The following NEK10 variants were observed in gnomAD, a reference collection of about 807,000 sequenced individuals.
NEK10 encodes serine/threonine-protein kinase Nek10.
Under a neutral mutation model 159.8 loss-of-function variants are expected in NEK10, and 122 were observed. That is an observed-to-expected ratio of 0.76 (90% CI 0.66 to 0.89). NEK10 has a LOEUF of 0.89. Ranked by LOEUF, NEK10 falls within the 40% of genes least tolerant of loss-of-function variation. NEK10 has a pLI of 0.00. For synonymous variants in NEK10, 466 were observed against 457.1 expected, an observed-to-expected ratio of 1.02 and a Z score of -0.25; for missense variants, 1,342 against 1,323.1, an observed-to-expected ratio of 1.01 and a Z score of -0.22.
intron 22 of NEK10, among the ~76,000 whole-genome samples, chr3:27,276,794 T>G (rs1041384246): frequency 6.6e-6 from 1 of 152,120 alleles, no homozygotes; most frequent in Non-Finnish European, 1.5e-5. Flanking sequence ...CACATTCTCT[T>G]CTCCTTCTGT....
At chr3:27,301,596 T>C in intron 13 of NEK10, 100 bp downstream of exon 13, 1 of 909,436 alleles carries the variant, frequency 1.1e-6, no homozygotes, top group Non-Finnish European at 1.7e-6. Flanking sequence ...TTTGTAAACT[T>C]CTAAATTTTG....
chr3:27,323,290 G>A (rs1380687590), intron 5 of NEK10, among the ~76,000 whole-genome samples: 1 of 152,190 alleles, frequency 6.6e-6, no homozygotes, highest in East Asian at 1.9e-4. Context: ...CTACACTACT[G>A]AAGCTGTTGC....
intron 5 of NEK10, among the ~76,000 whole-genome samples, chr3:27,337,170 C>T (rs1262938316): frequency 6.6e-6 from 1 of 152,048 alleles, no homozygotes; most frequent in Non-Finnish European, 1.5e-5. Flanking sequence ...AATTTTTATA[C>T]ACCAACAATG....
chr3:27,352,768 C>T, intron 2 of NEK10, 44 bp downstream of exon 2: 1 of 1,311,732 alleles, frequency 7.6e-7, no homozygotes, highest in Non-Finnish European at 1.1e-6. Context: ...GTTCAATGGC[C>T]ACTGCCTGAG....
chr3:27,352,630 T>C, intron 2 of NEK10, 105 bp from the exon 3 acceptor site: 1 of 884,496 alleles, frequency 1.1e-6, no homozygotes, highest in East Asian at 2.4e-5. Context: ...TTTTATCAAC[T>C]GGAATGAATA....
intron 30 of NEK10, among the ~76,000 whole-genome samples, chr3:27,142,850 G>A (rs1274482620): frequency 1.3e-5 from 2 of 152,144 alleles, no homozygotes; most frequent in East Asian, 3.9e-4. Context: ...TATCTTTACT[G>A]AGTTAGTTTA....
intron 33 of NEK10, 26 bp from the exon 34 acceptor site, chr3:27,116,153 C>CT: frequency 6.2e-7 from 1 of 1,607,896 alleles, no homozygotes; most frequent in African/African-American, 1.3e-5. Flanking sequence ...TATGGAAAGT[C>CT]TGACATTTGG....
At chr3:27,255,337 T>C (rs1042330583) in intron 23 of NEK10, 1 of 411,850 alleles carries the variant, frequency 2.4e-6, no homozygotes. Flanking sequence ...ACATATCCAG[T>C]AAGATAAATG....
chr3:27,219,025 C>T (rs190226783), intron 23 of NEK10, among the ~76,000 whole-genome samples: 13 of 152,386 alleles, frequency 8.5e-5, no homozygotes, highest in Admixed American at 7.8e-4. Context: ...ACACTCTCCA[C>T]CTTTTCTTAG....
chr3:27,258,517 A>G (rs1201828466), intron 22 of NEK10, among the ~76,000 whole-genome samples: 1 of 152,152 alleles, frequency 6.6e-6, no homozygotes, highest in Non-Finnish European at 1.5e-5. Context: ...GATGGTTTCC[A>G]GCTTCATCCA....
chr3:27,354,461 A>G (rs1303894874), intron 1 of NEK10, among the ~76,000 whole-genome samples: 1 of 152,234 alleles, frequency 6.6e-6, no homozygotes, highest in East Asian at 1.9e-4. Context: ...CAAATTCACC[A>G]GTATCAGCAG....
chr3:27,353,486 A>G (rs2048116340), intron 1 of NEK10, among the ~76,000 whole-genome samples: 2 of 152,190 alleles, frequency 1.3e-5, no homozygotes, highest in South Asian at 4.1e-4. Context: ...GAATGTACCA[A>G]TGGGCATTTC....
chr3:27,285,636 C>A (rs193302527), intron 20 of NEK10, among the ~76,000 whole-genome samples: 96 of 152,072 alleles, frequency 6.3e-4, no homozygotes, highest in African/African-American at 2.3e-3. Context: ...GCTTTGGATG[C>A]CAAAAAACAA....
intron 29 of NEK10, among the ~76,000 whole-genome samples, chr3:27,164,055 C>T (rs533365874): frequency 1.2e-4 from 18 of 152,188 alleles, no homozygotes; most frequent in Non-Finnish European, 2.1e-4. Context: ...CAGGCTAACA[C>T]TCTCTTGATC....
intron 30 of NEK10, 148 bp from the exon 31 acceptor site, chr3:27,141,730 AT>A (rs1943803673): frequency 1.8e-6 from 1 of 545,444 alleles, no homozygotes; most frequent in East Asian, 2.9e-5. Flanking sequence ...ATACTTCAAC[AT>A]TTTATGACAT....
intron 23 of NEK10, among the ~76,000 whole-genome samples, chr3:27,236,393 C>A (rs1276792852): frequency 6.6e-6 from 1 of 152,060 alleles, no homozygotes; most frequent in African/African-American, 2.4e-5. Context: ...AAAATAATGT[C>A]TTTTGCAGCA....
chr3:27,276,725 T>C (rs1047595093), intron 22 of NEK10, among the ~76,000 whole-genome samples: 1 of 152,180 alleles, frequency 6.6e-6, no homozygotes, highest in Non-Finnish European at 1.5e-5. Flanking sequence ...TCTCATTAAC[T>C]GGCCGACAAA....
chr3:27,148,889 C>G (rs1412202392), intron 30 of NEK10, among the ~76,000 whole-genome samples: 1 of 152,078 alleles, frequency 6.6e-6, no homozygotes, highest in Non-Finnish European at 1.5e-5. Context: ...CCACCAGTAA[C>G]TCTTGTGAGA....
At chr3:27,307,345 A>C (rs531341723) in intron 11 of NEK10, among the ~76,000 whole-genome samples, 1 of 152,158 alleles carries the variant, frequency 6.6e-6, no homozygotes, top group Non-Finnish European at 1.5e-5. Context: ...TTTAAGTACA[A>C]TCTAATAACT....
Sources: gnomAD v4.1 joint callset for allele counts (sites outside exome capture counted in the v4.1 genomes callset) on GRCh38, gnomAD v4.1.1 for gene constraint, MANE v1.5 for transcripts, NCBI Gene and HGNC (gene_info 2026-07-23, HGNC 2026-07-21) for gene names.